Variants in ZNF461 observed in about 807,000 individuals in gnomAD.
The protein encoded by ZNF461 is gonadotropin-inducible ovarian transcription factor-1.
ZNF461 carries 16 observed loss-of-function variants against 18.3 expected under a neutral mutation model. The ratio of observed to expected loss-of-function variants is 0.88; its 90% CI spans 0.59 to 1.33. ZNF461 has a LOEUF of 1.33. Ranked by LOEUF, ZNF461 falls within the 40% of genes most tolerant of loss-of-function variation. ZNF461 has a pLI of 0.00. For synonymous variants in ZNF461, 179 were observed against 216.9 expected, an observed-to-expected ratio of 0.83 and a Z score of 1.54; for missense variants, 595 against 669.9, an observed-to-expected ratio of 0.89 and a Z score of 1.23.
chr19:36,666,713 C>G lies in ZNF461; in HGVS notation c.-104G>C, dbSNP rs1357989507. 2 of 152,640 alleles carry G rather than the reference C, an allele frequency of 1.3e-5. No homozygotes were observed. The highest frequency in any genetic ancestry group is 2.9e-5 in the Non-Finnish European group (2 of 68,392). The allele number at this position is 152,640 out of a possible 1,614,324, so 9.5% of individuals were successfully genotyped here. A position where few individuals can be genotyped will look rare whatever the true frequency, so the allele number is the denominator to read the frequency against. On this transcript the variant is annotated 5_prime_UTR_variant, in exon 1 of 6. Transcript: ENST00000588268. ...ACCTTCAGCATTCTCAGGGAAGGCTCTGGTCCAAGCTCTGATTCGGATTCC... is the reference window on the plus strand; with the variant it reads ...ACCTTCAGCATTCTCAGGGAAGGCTGTGGTCCAAGCTCTGATTCGGATTCC...
chr19:36,650,249 CAACTAT>C (rs765360577), intron 4 of ZNF461, among the ~76,000 whole-genome samples: 8 of 152,026 alleles, frequency 5.3e-5, no homozygotes, highest in Non-Finnish European at 1.0e-4. Flanking sequence ...ATTTTCAAAA[CAACTAT>C]AAGTACATAT....
chr19:36,648,623 A>G (rs1251178682), intron 4 of ZNF461, among the ~76,000 whole-genome samples: 3 of 152,098 alleles, frequency 2.0e-5, no homozygotes, highest in Middle Eastern at 3.2e-3. Flanking sequence ...GTTGTCACTC[A>G]GGCTGGAGTA....
At chr19:36,651,109 T>C (rs2037617709) in intron 4 of ZNF461, among the ~76,000 whole-genome samples, 1 of 151,708 alleles carries the variant, frequency 6.6e-6, no homozygotes, top group Non-Finnish European at 1.5e-5. Context: ...CAGACGCCTG[T>C]AGTGCCAGCT....
intron 2 of ZNF461, among the ~76,000 whole-genome samples, chr19:36,663,182 T>C (rs1457088526): frequency 6.6e-6 from 1 of 152,202 alleles, no homozygotes; most frequent in Non-Finnish European, 1.5e-5. Context: ...CTGTTTTCTT[T>C]ATTCTGTCTT....
At chr19:36,661,426 G>A (rs1382755712) in intron 2 of ZNF461, among the ~76,000 whole-genome samples, 1 of 151,738 alleles carries the variant, frequency 6.6e-6, no homozygotes, top group East Asian at 1.9e-4. Flanking sequence ...CTATAGTGAC[G>A]ATAAAATTAA....
chr19:36,652,825 G>C (rs2037653317), intron 4 of ZNF461, among the ~76,000 whole-genome samples: 1 of 152,080 alleles, frequency 6.6e-6, no homozygotes, highest in Admixed American at 6.6e-5. Flanking sequence ...TACAGACTGG[G>C]AGAAAATATT....
Position 36,639,402 on chromosome 19 carries a change from G to C in ZNF461, c.943C>G (p.Gln315Glu). Reference protein sequence around the residue: ...ECGKAFRQRSQLTQHQRLHTG... With the variant: ...ECGKAFRQRSELTQHQRLHTG... ...TGAAGTCTCTGATGTTGAGTAAGCTGTGATCGCTGTCTAAAGGCCTTCCCA... is the reference window on the plus strand; with the variant it reads ...TGAAGTCTCTGATGTTGAGTAAGCTCTGATCGCTGTCTAAAGGCCTTCCCA... Residue 315 changes from glutamine to glutamate, a missense_variant, in exon 6 of 6, where the codon CAG (glutamine) becomes GAG (glutamate). Gln to Glu is a conservative substitution (Grantham distance 29). Coordinates refer to ENST00000588268, the MANE Select transcript of ZNF461 (RefSeq NM_153257.5). 1 of 1,613,258 alleles carries C rather than the reference G, an allele frequency of 6.2e-7. No individual in the cohort carries two copies.
intron 4 of ZNF461, among the ~76,000 whole-genome samples, chr19:36,651,781 T>G (rs536135081): frequency 1.3e-5 from 2 of 152,194 alleles, no homozygotes; most frequent in Non-Finnish European, 2.9e-5. Context: ...CTTAACACAA[T>G]TCCCATGAAA....
chr19:36,665,054 T>A (rs936873772), intron 1 of ZNF461, among the ~76,000 whole-genome samples: 1 of 152,156 alleles, frequency 6.6e-6, no homozygotes, highest in Non-Finnish European at 1.5e-5. Flanking sequence ...ATTGTCCCAA[T>A]ACTATGATGA....
intron 4 of ZNF461, among the ~76,000 whole-genome samples, chr19:36,654,883 A>G (rs191941317): frequency 1.7e-4 from 26 of 152,280 alleles, no homozygotes; most frequent in Admixed American, 7.2e-4. Flanking sequence ...TAGTGATTCT[A>G]TTAGAACATC....
rs2037341963 is a variant in ZNF461 at position 36,638,604 on chromosome 19, C to G, written c.*49G>C. 1 of 1,416,536 alleles carries G rather than the reference C, an allele frequency of 7.1e-7. No homozygotes were observed. The highest frequency in any genetic ancestry group is 2.4e-5 in the East Asian group (1 of 41,192). The allele number at this position is 1,416,536 out of a possible 1,614,324, so 87.7% of individuals were successfully genotyped here. On this transcript the variant is annotated 3_prime_UTR_variant, in exon 6 of 6. Transcript: ENST00000588268. Reference sequence around the variant, plus strand: ...ACTAATGAAACTGGTGGCTTACCAACTTTTTCCTTAAATAAAACAAAGACA... The same window carrying G: ...ACTAATGAAACTGGTGGCTTACCAAGTTTTTCCTTAAATAAAACAAAGACA...
chr19:36,663,770 T>G (rs1409988085), intron 2 of ZNF461, among the ~76,000 whole-genome samples: 2 of 152,076 alleles, frequency 1.3e-5, no homozygotes, highest in African/African-American at 4.8e-5. Flanking sequence ...ACTCCAGCGA[T>G]TCTCCCACCT....
At position 36,639,186 on chromosome 19, in the gene ZNF461, A is replaced by G. The variant is rs1441303249; in HGVS notation, c.1159T>C (p.Cys387Arg). ...CTAAAGGCCTTCCCACATTCCCGAC[A>G]TTCATAGGGTTTCTCACCAGTATGA... ...RIHTGEKPYE[C>R]RECGKAFSYH... is the part of the protein sequence containing the mutation. The change falls in exon 6 of 6, where the codon TGT becomes CGT. Residue 387 changes from cysteine to arginine, a missense_variant. By Grantham distance (180) the Cys-to-Arg change is radical (BLOSUM62 -3). Transcript: ENST00000588268. 3 of 1,614,038 alleles carry G rather than the reference A, an allele frequency of 1.9e-6. No homozygotes were observed. The highest frequency in any genetic ancestry group is 3.3e-5 in the Admixed American group (2 of 60,008).
At chr19:36,660,668 C>T (rs2037802594) in intron 2 of ZNF461, among the ~76,000 whole-genome samples, 1 of 150,060 alleles carries the variant, frequency 6.7e-6, no homozygotes, top group East Asian at 1.9e-4. Context: ...TAGCTAAAAT[C>T]CTTTAAAATG....
chr19:36,640,099 A>G (rs2037398429), intron 5 of ZNF461, 56 bp from the exon 6 acceptor site: 3 of 1,422,028 alleles, frequency 2.1e-6, no homozygotes, highest in Admixed American at 2.3e-5. Flanking sequence ...GAGAAATAAA[A>G]TATCTATGGT....
intron 2 of ZNF461, among the ~76,000 whole-genome samples, chr19:36,662,539 G>T (rs1418552499): frequency 1.3e-5 from 2 of 152,202 alleles, no homozygotes; most frequent in African/African-American, 4.8e-5. Flanking sequence ...ACAGGCATGA[G>T]CCACTGTGCC....
intron 3 of ZNF461, among the ~76,000 whole-genome samples, chr19:36,657,209 G>T (rs1404551872): frequency 6.6e-6 from 1 of 151,922 alleles, no homozygotes; most frequent in Non-Finnish European, 1.5e-5. Flanking sequence ...GGTCAGGCGC[G>T]GTGGCTCACA....
Position 36,658,334 on chromosome 19 carries a change from ACCT to A in ZNF461, c.98_100del (p.Glu33del). The stretch of plus-strand genomic sequence containing the variant: ...CAAGTTGCTATAATTCTCCAACATC[ACCT>A]CCTTGTACAAATTCCTCTGCGCTGG... On this transcript the variant is annotated inframe_deletion, in exon 3 of 6. Transcript: ENST00000588268. 9 of 1,610,058 alleles carry A rather than the reference ACCT, an allele frequency of 5.6e-6. No homozygotes were observed. Among genetic ancestry groups the A allele is most frequent in the Non-Finnish European group, 6.8e-6 (8 of 1,177,924 alleles).
At chr19:36,641,116 C>CA (rs1687774498) in intron 5 of ZNF461, among the ~76,000 whole-genome samples, 1 of 152,178 alleles carries the variant, frequency 6.6e-6, no homozygotes, top group African/African-American at 2.4e-5. Context: ...GGCTTCATTT[C>CA]ATCTAAGTCT....
Sources: gnomAD v4.1 joint callset for allele counts (sites outside exome capture counted in the v4.1 genomes callset) on GRCh38, gnomAD v4.1.1 for gene constraint, MANE v1.5 for transcripts, NCBI Gene and HGNC (gene_info 2026-07-23, HGNC 2026-07-21) for gene names.